Variants in ABCC3 observed in about 807,000 individuals in gnomAD.
ABCC3 encodes the protein ATP binding cassette subfamily C member 3, also known as ATP-binding cassette sub-family C member 3.
In ABCC3, 121 loss-of-function variants were observed where a neutral mutation model predicts 165.3. The observed-to-expected ratio is 0.73, with a 90% confidence interval of 0.63 to 0.85. The LOEUF is 0.85. Among genes scored for constraint, ABCC3 ranks in the 40% least tolerant of loss-of-function variants. ABCC3 has a pLI of 0.00. For missense variants in ABCC3, 1,869 were observed against 1,964.1 expected, an observed-to-expected ratio of 0.95 and a Z score of 0.92; for synonymous variants, 733 against 810.1, an observed-to-expected ratio of 0.90 and a Z score of 1.62.
At chr17:50,653,081 C>T (rs764256098) in intron 1 of ABCC3, among the ~76,000 whole-genome samples, 7 of 152,178 alleles carry the variant, frequency 4.6e-5, no homozygotes, top group Non-Finnish European at 8.8e-5. Flanking sequence ...CACGGTGGCT[C>T]ACGCCTGTTA....
chr17:50,674,502 T>G (rs1967759711), intron 19 of ABCC3: 1 of 152,204 alleles, frequency 6.6e-6, no homozygotes, highest in South Asian at 2.1e-4. Flanking sequence ...CAAAATTTAT[T>G]GGACAATCAC....
In ABCC3 at chr17:50,658,416, C is replaced by G; in HGVS notation, c.613-19C>G. ...GGTGGGCACTCCTGATTCCCCCGTC[C>G]TATTCTCTCGCCTTCTAGAACCCCT... is the stretch of plus-strand genomic sequence containing the variant. On this transcript the variant is annotated intron_variant, in intron 5 of 30. Coordinates refer to ENST00000285238, the MANE Select transcript of ABCC3 (RefSeq NM_003786.4). 1 of 1,612,466 alleles carries G rather than the reference C, an allele frequency of 6.2e-7. No individual in the cohort carries two copies. Among genetic ancestry groups the G allele is most frequent in the Non-Finnish European group, 8.5e-7 (1 of 1,178,466 alleles).
rs370200233 is a variant in ABCC3 at position 50,658,497 on chromosome 17, G to A, written c.674+1G>A. 1 of 1,613,722 alleles carries A rather than the reference G, an allele frequency of 6.2e-7. No homozygotes were observed. Among genetic ancestry groups the A allele is most frequent in the Non-Finnish European group, 8.5e-7 (1 of 1,179,566 alleles). ...GCCTGTTTTTCTGGTGGTTCACAAA[G>A]TGAGTTGGCTCTTCCACCAGCCAGG... On this transcript the variant is annotated splice_donor_variant, in intron 6 of 30. Coordinates refer to ENST00000285238, the MANE Select transcript of ABCC3 (RefSeq NM_003786.4). LOFTEE classifies it high-confidence loss of function.
At chr17:50,635,774 T>C (rs939979252) in intron 1 of ABCC3, 5 of 593,606 alleles carry the variant, frequency 8.4e-6, no homozygotes, top group Non-Finnish European at 1.5e-5. Context: ...ATCCCACCCT[T>C]TGGGAGGCAG....
intron 7 of ABCC3, among the ~76,000 whole-genome samples, chr17:50,660,210 G>A (rs1014832479): frequency 5.9e-5 from 9 of 152,124 alleles, no homozygotes; most frequent in Admixed American, 3.3e-4. Context: ...TGGAGGCGGC[G>A]GCTGAATGAG....
intron 25 of ABCC3, among the ~76,000 whole-genome samples, chr17:50,678,669 C>A (rs1967875557): frequency 6.6e-6 from 1 of 152,130 alleles, no homozygotes; most frequent in Admixed American, 6.5e-5. Context: ...ACACCTAATC[C>A]CAGCACTTTG....
At chr17:50,674,177 C>T (rs1443680222) in intron 19 of ABCC3, 3 of 151,592 alleles carry the variant, frequency 2.0e-5, no homozygotes, top group African/African-American at 4.9e-5. Flanking sequence ...AGTGATTCTC[C>T]TGCCTCAGGC....
At position 50,675,673 on chromosome 17, in the gene ABCC3, G is replaced by T; in HGVS notation, c.2757G>T (p.Arg919=). 2 of 1,573,282 alleles carry T rather than the reference G, an allele frequency of 1.3e-6. No homozygotes were observed. The highest frequency in any genetic ancestry group is 2.3e-5 in the East Asian group (1 of 42,850). Residue 919 remains arginine, a synonymous_variant, in exon 21 of 31, where the codon CGG becomes CGT. Coordinates refer to ENST00000285238, the MANE Select transcript of ABCC3 (RefSeq NM_003786.4). The part of the protein sequence containing the change: ...ALSSDGEGQG[R]PVPRRHLGPS... ...CCTCAGATGGGGAGGGACAGGGTCG[G>T]CCTGTACCCCGGAGGCACCTGGGTC... is the stretch of plus-strand genomic sequence containing the variant.
intron 10 of ABCC3, 60 bp downstream of exon 10, chr17:50,664,171 G>T: frequency 8.1e-6 from 13 of 1,598,768 alleles, no homozygotes; most frequent in Non-Finnish European, 1.0e-5. Flanking sequence ...AGTGGCAAGA[G>T]AGGATTATTC....
Position 50,658,351 on chromosome 17 carries a change from C to G in ABCC3, c.613-84C>G, listed in dbSNP as rs1255699297. On this transcript the variant is annotated intron_variant, in intron 5 of 30. Coordinates refer to ENST00000285238, the MANE Select transcript of ABCC3 (RefSeq NM_003786.4). The stretch of plus-strand genomic sequence containing the variant: ...TGTAAACTGGGGCTTGGAGCAGGAA[C>G]AAGGGTCCCCTCCATTTCCCTACTC... 4 of 1,580,700 alleles carry G rather than the reference C, an allele frequency of 2.5e-6. No homozygotes were observed. In the African/African-American group the frequency reaches 4.0e-5, roughly 16 times the overall value.
At chr17:50,635,861 C>A in intron 1 of ABCC3, 1 of 405,544 alleles carries the variant, frequency 2.5e-6, no homozygotes, top group Non-Finnish European at 4.4e-6. Context: ...GTGGCCTGGG[C>A]GAAAGAGTGA....
At chr17:50,655,423 A>AAAAAAC (rs1967215254) in intron 1 of ABCC3, among the ~76,000 whole-genome samples, 1 of 143,734 alleles carries the variant, frequency 7.0e-6, no homozygotes, top group Non-Finnish European at 1.5e-5. Flanking sequence ...AAAAAAAAAC[A>AAAAAAC]AAAACAAAAA....
At chr17:50,684,976 C>T in intron 29 of ABCC3, 101 bp downstream of exon 29, 1 of 1,331,958 alleles carries the variant, frequency 7.5e-7, no homozygotes, top group Non-Finnish European at 1.0e-6. Flanking sequence ...ATGAGGCCAG[C>T]CCGGATGTGC....
chr17:50,638,709 C>T (rs1004175620), intron 1 of ABCC3, among the ~76,000 whole-genome samples: 1 of 152,188 alleles, frequency 6.6e-6, no homozygotes, highest in Non-Finnish European at 1.5e-5. Context: ...TCATTGTTCC[C>T]TTAGCTGTTT....
Position 50,656,971 on chromosome 17 carries a change from A to G in ABCC3, c.349-75A>G, listed in dbSNP as rs551404587. The stretch of plus-strand genomic sequence containing the variant: ...GGGGTGGCCCCAGAAACTTCTGGCC[A>G]TGTGGGATGGGGAGAAATGGAGGCA... On this transcript the variant is annotated intron_variant, in intron 3 of 30. Transcript: ENST00000285238. 244 of 1,566,176 alleles carry G rather than the reference A, an allele frequency of 1.6e-4. 1 individual carries two copies. The African/African-American group carries it at 2.6e-3, about 17-fold the overall frequency.
intron 30 of ABCC3, among the ~76,000 whole-genome samples, chr17:50,688,735 C>CAAAACAAAACA (rs1470738318): frequency 2.0e-5 from 3 of 147,732 alleles, no homozygotes; most frequent in African/African-American, 7.5e-5. Flanking sequence ...AAAAACAAAA[C>CAAAACAAAACA]AAAACAAAAC....
rs45617731 is a variant in ABCC3 at position 50,661,057 on chromosome 17, G to T, written c.941G>T (p.Ser314Ile). 133 of 1,614,196 alleles carry T rather than the reference G, an allele frequency of 8.2e-5. 1 individual carries two copies. In the African/African-American group the frequency reaches 1.6e-3, roughly 19 times the overall value. The change falls in exon 8 of 31, where the codon AGT becomes ATT. Residue 314 changes from serine to isoleucine, a missense_variant. Coordinates refer to ENST00000285238, the MANE Select transcript of ABCC3 (RefSeq NM_003786.4). The stretch of plus-strand genomic sequence containing the variant: ...ACCTTCGGCTCCAGCTTCCTCATCA[G>T]TGCCTGCTTCAAGCTTATCCAGGAC... ...LATFGSSFLI[S>I]ACFKLIQDLL...
Position 50,684,068 on chromosome 17 carries a change from C to A in ABCC3, c.4074C>A (p.Gly1358=), listed in dbSNP as rs757377593. 1 of 1,613,364 alleles carries A rather than the reference C, an allele frequency of 6.2e-7. No homozygotes were observed. The highest frequency in any genetic ancestry group is 1.1e-5 in the South Asian group (1 of 91,024). The change falls in exon 28 of 31, where the codon GGC becomes GGA. Residue 1358 remains glycine (G), a synonymous_variant. Transcript: ENST00000285238. ...RIDGLNVADI[G]LHDLRSQLTI... ...ATGGCCTCAATGTGGCAGACATCGG[C>A]CTCCATGACCTGCGCTCTCAGCTGA...
intron 7 of ABCC3, 109 bp downstream of exon 7, chr17:50,659,477 G>A: frequency 1.5e-6 from 2 of 1,337,702 alleles, no homozygotes; most frequent in Non-Finnish European, 2.0e-6. Context: ...GGCAAGCAGA[G>A]CAGGACCAGG....
Sources: allele counts gnomAD v4.1 joint callset (sites outside exome capture counted in the v4.1 genomes callset), GRCh38; gene constraint gnomAD v4.1.1; transcripts MANE v1.5; gene names NCBI Gene and HGNC (gene_info 2026-07-23, HGNC 2026-07-21).